Variants in ADAMTSL1 observed in about 807,000 individuals in gnomAD.
ADAMTSL1 encodes ADAMTS-like protein 1.
Under a neutral mutation model 201.8 loss-of-function variants are expected in ADAMTSL1, and 126 were observed. The observed-to-expected ratio is 0.62, with a 90% CI of 0.54 to 0.72. The LOEUF is 0.72. Among genes scored for constraint, ADAMTSL1 ranks in the 30% least tolerant of loss-of-function variants. The probability of loss-of-function intolerance (pLI) is 0.00; values close to 1 mark genes in which losing one functional copy is unlikely to be tolerated. For synonymous variants in ADAMTSL1, 1,121 were observed against 903.4 expected (o/e 1.24, Z -4.32); for missense variants, 2,679 against 2,277.8 (o/e 1.18, Z -3.59).
chr9:18,075,904 C>A (rs1277529379), intron 1 of ADAMTSL1, among the ~76,000 whole-genome samples: 3 of 152,132 alleles, frequency 2.0e-5, no homozygotes, highest in African/African-American at 7.2e-5. Flanking sequence ...ATACCAAGTC[C>A]CAAACCAGCA....
At chr9:18,903,291 A>G (rs879610186) in intron 26 of ADAMTSL1, among the ~76,000 whole-genome samples, 3 of 152,270 alleles carry the variant, frequency 2.0e-5, no homozygotes, top group Non-Finnish European at 4.4e-5. Flanking sequence ...ATAAAGTGCT[A>G]TACATCAATG....
intron 1 of ADAMTSL1, among the ~76,000 whole-genome samples, chr9:17,993,453 T>C (rs1219420505): frequency 1.1e-5 from 1 of 88,642 alleles, no homozygotes; most frequent in Non-Finnish European, 2.2e-5. Flanking sequence ...TAAGAGCCTG[T>C]CGTAGTTTAC....
chr9:18,537,900 AG>A (rs1819884065), intron 3 of ADAMTSL1, among the ~76,000 whole-genome samples: 1 of 136,294 alleles, frequency 7.3e-6, no homozygotes, highest in African/African-American at 2.9e-5. Flanking sequence ...AAAAGAAGAA[AG>A]AAGAAGAAGA....
At chr9:18,469,998 G>C (rs533787854), upstream of ADAMTSL1, among the ~76,000 whole-genome samples, 1 of 152,168 alleles carries the variant, frequency 6.6e-6, no homozygotes, top group South Asian at 2.1e-4. Context: ...TAAGGATTAC[G>C]TGAAATAATA....
intron 19 of ADAMTSL1, among the ~76,000 whole-genome samples, chr9:18,791,193 C>G (rs1362784405): frequency 1.3e-5 from 2 of 152,158 alleles, no homozygotes; most frequent in Non-Finnish European, 2.9e-5. Flanking sequence ...AGCAAGCCTC[C>G]GTCTCTGCAG....
At chr9:18,076,029 C>T (rs1385953626) in intron 1 of ADAMTSL1, among the ~76,000 whole-genome samples, 2 of 152,124 alleles carry the variant, frequency 1.3e-5, no homozygotes. Flanking sequence ...AAGATGAATC[C>T]CTGATTCAAG....
intron 2 of ADAMTSL1, among the ~76,000 whole-genome samples, chr9:18,172,963 T>C (rs1028978055): frequency 6.6e-6 from 1 of 152,138 alleles, no homozygotes; most frequent in African/African-American, 2.4e-5. Context: ...AACTTTGGGA[T>C]GTTCGCTAAC....
intron 15 of ADAMTSL1, among the ~76,000 whole-genome samples, chr9:18,749,246 T>C (rs1425999136): frequency 6.6e-6 from 1 of 152,100 alleles, no homozygotes; most frequent in Non-Finnish European, 1.5e-5. Flanking sequence ...AAAATAGACA[T>C]AGCCCCATGC....
intron 23 of ADAMTSL1, among the ~76,000 whole-genome samples, chr9:18,845,946 A>G (rs556685488): frequency 6.6e-6 from 1 of 152,314 alleles, no homozygotes; most frequent in East Asian, 1.9e-4. Flanking sequence ...TTAATATCCA[A>G]AGTTGAAATT....
At chr9:18,108,906 T>C (rs1397693170) in intron 1 of ADAMTSL1, among the ~76,000 whole-genome samples, 1 of 152,196 alleles carries the variant, frequency 6.6e-6, no homozygotes, top group Non-Finnish European at 1.5e-5. Flanking sequence ...GAAAGCATTG[T>C]TGTGTACAAG....
chr9:18,196,423 T>A (rs1338220449), intron 2 of ADAMTSL1, among the ~76,000 whole-genome samples: 1 of 152,088 alleles, frequency 6.6e-6, no homozygotes, highest in Non-Finnish European at 1.5e-5. Flanking sequence ...ATATTCAGGC[T>A]TAATTGTAAA....
Position 18,811,644 on chromosome 9 carries a change from G to T in ADAMTSL1, c.3806-5465G>T, listed in dbSNP as rs552408600. On this transcript the variant is annotated intron_variant, in intron 20 of 28. Coordinates refer to ENST00000380548, the MANE Select transcript of ADAMTSL1 (RefSeq NM_001040272.6). ...CAGCTAAAACAGAAGGTTTACATAA[G>T]ATCCAGAGTCTCATAACTAAAAAAA... Among the ~76,000 whole-genome samples the T allele has an allele frequency of 1.4e-3, 219 of 152,312 alleles. 7 individuals carry two copies. The South Asian group carries it at 0.042, about 29-fold the overall frequency.
At position 18,655,806 on chromosome 9, in the gene ADAMTSL1, TAAAAAAAAAAAAAA is replaced by T. The variant is rs56662538; in HGVS notation, c.835-1815_835-1802del. ...AGAGAGCTAGAGGCTTTTGTGAGCT[TAAAAAAAAAAAAAA>T]AAAAAAAAAAAAAAAAAGAACTTTC... On this transcript the variant is annotated intron_variant, in intron 7 of 28. Coordinates refer to ENST00000380548, the MANE Select transcript of ADAMTSL1 (RefSeq NM_001040272.6). 4.3e-4 allele frequency among the ~76,000 whole-genome samples: 35 copies of T among 81,846 alleles called. 1 individual carries two copies. Among genetic ancestry groups the T allele is most frequent in the Non-Finnish European group, 5.2e-4 (25 of 48,276 alleles). The allele number at this position is 81,846 out of a possible 152,430, so 53.7% of individuals were successfully genotyped here.
chr9:18,837,662 C>T (rs536654475), intron 23 of ADAMTSL1, among the ~76,000 whole-genome samples: 5 of 152,322 alleles, frequency 3.3e-5, no homozygotes, highest in South Asian at 2.1e-4. Context: ...ACAAAAACCA[C>T]GTGTTTTTAT....
At chr9:17,991,596 C>G (rs894594089) in intron 1 of ADAMTSL1, among the ~76,000 whole-genome samples, 1 of 152,002 alleles carries the variant, frequency 6.6e-6, no homozygotes, top group Non-Finnish European at 1.5e-5. Flanking sequence ...CTGGATGGCC[C>G]CTGTTTGAAT....
At chr9:18,689,348 C>T (rs1310119884) in intron 13 of ADAMTSL1, among the ~76,000 whole-genome samples, 1 of 151,988 alleles carries the variant, frequency 6.6e-6, no homozygotes, top group Non-Finnish European at 1.5e-5. Context: ...CAATGATGAT[C>T]CCTAGGACAT....
intron 19 of ADAMTSL1, among the ~76,000 whole-genome samples, chr9:18,791,346 A>AT (rs1477661298): frequency 6.6e-6 from 1 of 152,190 alleles, no homozygotes; most frequent in Non-Finnish European, 1.5e-5. Context: ...AACAGGAGTC[A>AT]AATCCTCCCC....
chr9:17,972,676 C>T (rs1488176951), intron 1 of ADAMTSL1, among the ~76,000 whole-genome samples: 9 of 151,374 alleles, frequency 5.9e-5, no homozygotes, highest in Non-Finnish European at 4.4e-5. Context: ...TGGGTATATA[C>T]CCAGTAATGG....
intron 2 of ADAMTSL1, among the ~76,000 whole-genome samples, chr9:18,199,182 T>C (rs923473089): frequency 1.4e-4 from 21 of 151,642 alleles, no homozygotes; most frequent in Middle Eastern, 3.4e-3. Flanking sequence ...GTGGGTGCAG[T>C]GCACCAGCAT....
Sources: gnomAD v4.1 joint callset for allele counts (sites outside exome capture counted in the v4.1 genomes callset) on GRCh38, gnomAD v4.1.1 for gene constraint, MANE v1.5 for transcripts, NCBI Gene and HGNC (gene_info 2026-07-23, HGNC 2026-07-21) for gene names.